The following ZNF782 variants were observed in gnomAD, a reference collection of about 807,000 sequenced individuals.
ZNF782 encodes the protein zinc finger protein 782.
In ZNF782, 12 loss-of-function variants were observed where a neutral mutation model predicts 13.0. The ratio of observed to expected loss-of-function variants is 0.92; its 90% confidence interval spans 0.59 to 1.50. The LOEUF (loss-of-function observed/expected upper bound fraction) is 1.50. Ranked by LOEUF, ZNF782 falls within the 40% of genes most tolerant of loss-of-function variation. The pLI, the probability that ZNF782 is intolerant of heterozygous loss-of-function variation, is 0.00. For missense variants in ZNF782, 770 were observed against 822.9 expected, an observed-to-expected ratio of 0.94 and a Z score of 0.79; for synonymous variants, 284 against 283.0, an observed-to-expected ratio of 1.00 and a Z score of -0.04.
At chr9:96,876,872 G>A (rs1588179204), upstream of ZNF782, among the ~76,000 whole-genome samples, 1 of 148,038 alleles carries the variant, frequency 6.8e-6, no homozygotes, top group African/African-American at 2.5e-5. Flanking sequence ...GGGGTGTGGT[G>A]GCGGGCGCCT....
chr9:96,916,244 C>T, the ZNF782 span, among the ~76,000 whole-genome samples: 1 of 151,966 alleles, frequency 6.6e-6, no homozygotes, highest in African/African-American at 2.4e-5. Flanking sequence ...GTAATCCCAG[C>T]ACTTTGGAGA....
chr9:96,923,174 AAC>A, the ZNF782 span, among the ~76,000 whole-genome samples: 2 of 148,894 alleles, frequency 1.3e-5, no homozygotes, highest in African/African-American at 2.5e-5. Flanking sequence ...CATGCCCTTG[AAC>A]ACACACACAC....
At chr9:96,918,394 G>A in the ZNF782 span, among the ~76,000 whole-genome samples, 434 of 149,450 alleles carry the variant, frequency 2.9e-3, 4 homozygotes, top group East Asian at 3.2e-3. Context: ...GGGCAACAGA[G>A]GGAGGCTCCA....
chr9:96,848,422 C>T (rs985155353), intron 3 of ZNF782, among the ~76,000 whole-genome samples: 2 of 152,136 alleles, frequency 1.3e-5, no homozygotes, highest in Admixed American at 1.3e-4. Flanking sequence ...ATCCAAGACT[C>T]CTCCAAAAGA....
chr9:96,895,147 A>C, the ZNF782 span: 1 of 152,230 alleles, frequency 6.6e-6, no homozygotes, highest in African/African-American at 2.4e-5. Context: ...GCTGCCACTG[A>C]ATGGGATTCT....
chr9:96,821,464 A>C (rs900903542), intron 5 of ZNF782, among the ~76,000 whole-genome samples: 3 of 152,234 alleles, frequency 2.0e-5, no homozygotes, highest in Non-Finnish European at 4.4e-5. Flanking sequence ...AATATAAGGA[A>C]CATTTATTTA....
At chr9:96,879,321 C>T (rs1053697150), upstream of ZNF782, among the ~76,000 whole-genome samples, 2 of 151,126 alleles carry the variant, frequency 1.3e-5, no homozygotes, top group African/African-American at 4.9e-5. Flanking sequence ...ACCCTGTCTC[C>T]ACTAAAAAAA....
At chr9:96,881,732 G>C in the ZNF782 span, among the ~76,000 whole-genome samples, 1 of 151,926 alleles carries the variant, frequency 6.6e-6, no homozygotes, top group Non-Finnish European at 1.5e-5. Flanking sequence ...GACCATAAAT[G>C]TTCATTTTCT....
the ZNF782 span, among the ~76,000 whole-genome samples, chr9:96,926,756 G>T: frequency 1.8e-4 from 27 of 152,290 alleles, no homozygotes; most frequent in African/African-American, 5.8e-4. Context: ...CCCCTGCAGT[G>T]TGGCCTGTTA....
intron 1 of ZNF782, among the ~76,000 whole-genome samples, chr9:96,853,607 T>A (rs185482007): frequency 7.7e-4 from 118 of 152,324 alleles, no homozygotes; most frequent in African/African-American, 2.7e-3. Flanking sequence ...CCAAGAGATC[T>A]GAAGACACAC....
chr9:96,832,656 C>T (rs1203861779), intron 4 of ZNF782, among the ~76,000 whole-genome samples: 1 of 152,082 alleles, frequency 6.6e-6, no homozygotes, highest in Non-Finnish European at 1.5e-5. Flanking sequence ...AAAATGTGTT[C>T]TCTGTGGTTT....
In ZNF782 at chr9:96,818,528, T is replaced by A; in HGVS notation, c.1495A>T (p.Thr499Ser). The change falls in exon 6 of 6, where the codon ACT becomes TCT. Residue 499 changes from threonine to serine, a missense_variant. By Grantham distance (58) the Thr-to-Ser change is moderately conservative (BLOSUM62 1). Transcript: ENST00000481138. ...HMSGLRNHRR[T>S]HTGERPYKCD... ...TTATATGGTCTTTCCCCTGTGTGAG[T>A]TCTTCGGTGATTCCTTAGGCCTGAC... 6.2e-7 allele frequency: 1 copy of A among 1,613,804 alleles called. No individual in the cohort carries two copies. Among genetic ancestry groups the A allele is most frequent in the Non-Finnish European group, 8.5e-7 (1 of 1,179,938 alleles).
intron 4 of ZNF782, among the ~76,000 whole-genome samples, chr9:96,839,243 T>C (rs1002043026): frequency 2.0e-5 from 3 of 151,686 alleles, no homozygotes; most frequent in Non-Finnish European, 4.4e-5. Flanking sequence ...GCTTTCCTGT[T>C]CTTTTGTCTA....
At chr9:96,820,094 G>A (rs184789145) in intron 5 of ZNF782, among the ~76,000 whole-genome samples, 18 of 152,240 alleles carry the variant, frequency 1.2e-4, no homozygotes, top group African/African-American at 4.3e-4. Context: ...AAGAGCATTG[G>A]ATCCTGGGAA....
At chr9:96,878,893 T>C (rs1249699581), upstream of ZNF782, among the ~76,000 whole-genome samples, 1 of 152,262 alleles carries the variant, frequency 6.6e-6, no homozygotes, top group Admixed American at 6.5e-5. Context: ...CAGTTTATGC[T>C]GTTTCCTCAC....
Position 96,850,249 on chromosome 9 carries a change from C to T in ZNF782, c.15+1698G>A, listed in dbSNP as rs1851449987. Among the ~76,000 whole-genome samples, 1 of 152,182 alleles carries T rather than the reference C, an allele frequency of 6.6e-6. No individual in the cohort carries two copies. The highest frequency in any genetic ancestry group is 1.5e-5 in the Non-Finnish European group (1 of 68,034). Reference sequence around the variant, plus strand: ...GATTCACAATTGCAAAGATGTGGAACCAACCTAAGTGCCCATGAACTGAGT... The same window carrying T: ...GATTCACAATTGCAAAGATGTGGAATCAACCTAAGTGCCCATGAACTGAGT... On this transcript the variant is annotated intron_variant, in intron 3 of 5. Transcript: ENST00000481138. The surrounding 1 kb of genome is among the most constrained non-coding windows in gnomAD (Gnocchi z 4.3).
the ZNF782 span, among the ~76,000 whole-genome samples, chr9:96,917,484 T>C: frequency 1.3e-5 from 2 of 151,600 alleles, no homozygotes; most frequent in Admixed American, 6.6e-5. Context: ...TGGGCTGGAG[T>C]GCAGTGGTGC....
the ZNF782 span, among the ~76,000 whole-genome samples, chr9:96,925,213 G>A: frequency 3.9e-5 from 6 of 152,210 alleles, no homozygotes; most frequent in East Asian, 3.9e-4. Context: ...ACAGGCGCGC[G>A]GGGCAGGCGT....
intron 1 of ZNF782, 112 bp downstream of exon 1, chr9:96,853,976 C>T (rs1007968278): frequency 2.0e-5 from 3 of 152,238 alleles, no homozygotes; most frequent in African/African-American, 7.2e-5. Flanking sequence ...AAGTTTTAAA[C>T]CAACGCCATG....
Sources: allele counts gnomAD v4.1 joint callset (sites outside exome capture counted in the v4.1 genomes callset), GRCh38; gene constraint gnomAD v4.1.1; non-coding constraint Gnocchi (gnomAD v3.1); transcripts MANE v1.5; gene names NCBI Gene and HGNC (gene_info 2026-07-23, HGNC 2026-07-21).